The following EPN2 variants were observed in gnomAD, a reference collection of about 807,000 sequenced individuals.
The protein encoded by EPN2 is epsin 2, also known as epsin-2.
In EPN2, 34 loss-of-function variants were observed where a neutral mutation model predicts 61.7. The ratio of observed to expected loss-of-function variants is 0.55; its 90% CI spans 0.42 to 0.73. The LOEUF (loss-of-function observed/expected upper bound fraction) is 0.73, where lower values mean the gene tolerates loss of function less well. EPN2 is among the 30% of genes least tolerant of loss of function. The pLI is 0.00. For missense variants in EPN2, 714 were observed against 839.2 expected, an observed-to-expected ratio of 0.85 and a Z score of 1.84; for synonymous variants, 349 against 353.6, an observed-to-expected ratio of 0.99 and a Z score of 0.15.
At chr17:19,255,298 A>G (rs1255789775) in intron 1 of EPN2, among the ~76,000 whole-genome samples, 1 of 151,804 alleles carries the variant, frequency 6.6e-6, no homozygotes, top group Non-Finnish European at 1.5e-5. Context: ...GAGAGTGTGA[A>G]TTCTCTGGCC....
intron 4 of EPN2, 73 bp from the exon 5 acceptor site, chr17:19,309,812 G>T: frequency 8.3e-7 from 1 of 1,204,878 alleles, no homozygotes; most frequent in Non-Finnish European, 1.2e-6. Context: ...AATGTGGTCT[G>T]CCCAGGAAAC....
At chr17:19,319,405 A>G (rs904704087) in intron 7 of EPN2, among the ~76,000 whole-genome samples, 1 of 151,372 alleles carries the variant, frequency 6.6e-6, no homozygotes, top group Non-Finnish European at 1.5e-5. Context: ...GCTCACTGCA[A>G]CCTCTGCCTT....
Position 19,285,798 on chromosome 17 carries a change from G to A in EPN2, c.766+8G>A, listed in dbSNP as rs1427063746. The stretch of plus-strand genomic sequence containing the variant: ...GTGACCGCGCAGCCCGAGGTGGGAC[G>A]GCGGTTTGCTTTTTTCCTTACTAGA... On this transcript the variant is annotated splice_region_variant and intron_variant, in intron 4 of 10. Transcript: ENST00000314728. This position sits in a 1 kb window ranked among gnomAD's most constrained non-coding sequence, Gnocchi z 4.5. The A allele has an allele frequency of 4.0e-5, 63 of 1,571,700 alleles. No homozygotes were observed. The highest frequency in any genetic ancestry group is 1.9e-4 in the Middle Eastern group (1 of 5,336).
chr17:19,334,199 G>A lies in EPN2; in HGVS notation c.1871G>A (p.Gly624Asp), dbSNP rs762253619. The A allele has an allele frequency of 6.5e-7, 1 of 1,549,056 alleles. No individual in the cohort carries two copies. Among genetic ancestry groups the A allele is most frequent in the Non-Finnish European group, 8.8e-7 (1 of 1,140,256 alleles). ...ATGATGAACATGGTGGGCAGTGTGG[G>A]TATACCCCCATCAGCAGCCCAGGCC... Reference protein sequence around the residue: ...PAMMNMVGSVGIPPSAAQATG... With the variant: ...PAMMNMVGSVDIPPSAAQATG... Residue 624 changes from glycine (G) to aspartate (D), a missense_variant, in exon 11 of 11, where the codon GGT becomes GAT. By Grantham distance (94) the Gly-to-Asp change is moderately conservative (BLOSUM62 -1). Transcript: ENST00000314728. This position sits in a 1 kb window ranked among gnomAD's most constrained non-coding sequence, Gnocchi z 4.9.
intron 1 of EPN2, among the ~76,000 whole-genome samples, chr17:19,239,799 G>A (rs935718931): frequency 6.6e-6 from 1 of 152,170 alleles, no homozygotes; most frequent in Admixed American, 6.5e-5. Flanking sequence ...CCAAGCACTC[G>A]AGGTGTGAAG....
At chr17:19,281,224 C>G (rs1296064389) in intron 1 of EPN2, among the ~76,000 whole-genome samples, 1 of 152,174 alleles carries the variant, frequency 6.6e-6, no homozygotes, top group Admixed American at 6.5e-5. Context: ...CAGTCCATCT[C>G]CCCTTACCGG....
At chr17:19,287,194 G>A (rs1244520870) in intron 4 of EPN2, among the ~76,000 whole-genome samples, 2 of 151,830 alleles carry the variant, frequency 1.3e-5, no homozygotes, top group African/African-American at 4.8e-5. Context: ...CTGCACCTTC[G>A]CCTGTGCCAT....
At position 19,310,094 on chromosome 17, in the gene EPN2, CA is replaced by C. The variant is rs1470160515; in HGVS notation, c.879+101del. 4 of 814,582 alleles carry C rather than the reference CA, an allele frequency of 4.9e-6. No individual in the cohort carries two copies. In the East Asian group the frequency reaches 1.1e-4, roughly 21 times the overall value. 50.5% of individuals were successfully genotyped at this position (814,582 alleles called of 1,614,324 possible). A position where few individuals can be genotyped will look rare whatever the true frequency, so the allele number is the denominator to read the frequency against. ...AAGATGGCAGACACAGCCCTGTCTT[CA>C]AAACATTTCAGATATGCTTGCTGAG... On this transcript the variant is annotated intron_variant, in intron 5 of 10. Transcript: ENST00000314728.
Position 19,335,320 on chromosome 17 carries a change from A to G in EPN2, c.*1066A>G. 1 of 1,388,024 alleles carries G rather than the reference A, an allele frequency of 7.2e-7. No individual in the cohort carries two copies. The highest frequency in any genetic ancestry group is 9.8e-7 in the Non-Finnish European group (1 of 1,018,086). The allele number at this position is 1,388,024 out of a possible 1,614,324, so 86.0% of individuals were successfully genotyped here. A position where few individuals can be genotyped will look rare whatever the true frequency, so the allele number is the denominator to read the frequency against. ...AGGCTATTTTTCTTACGAATATACC[A>G]ACATCCTGAAAGTTAAAGAAAAAAA... On this transcript the variant is annotated 3_prime_UTR_variant, in exon 11 of 11. Transcript: ENST00000314728.
At chr17:19,318,334 G>C (rs1020357705) in intron 7 of EPN2, among the ~76,000 whole-genome samples, 3 of 151,606 alleles carry the variant, frequency 2.0e-5, no homozygotes, top group Admixed American at 6.6e-5. Flanking sequence ...CGGATCACGA[G>C]GTCAAGAGAT....
chr17:19,335,626 G>C lies in EPN2; in HGVS notation c.*1372G>C. 1.8e-6 allele frequency: 1 copy of C among 553,806 alleles called. No individual in the cohort carries two copies. Among genetic ancestry groups the C allele is most frequent in the Non-Finnish European group, 2.9e-6 (1 of 340,352 alleles). The allele number at this position is 553,806 out of a possible 1,614,324, so 34.3% of individuals were successfully genotyped here. Reference sequence around the variant, plus strand: ...CCCTAGGCTAAGACAGGGGTGGGGGGCTAAGGGACCAGGGCTGGCCCTGAT... The same window carrying C: ...CCCTAGGCTAAGACAGGGGTGGGGGCCTAAGGGACCAGGGCTGGCCCTGAT... On this transcript the variant is annotated 3_prime_UTR_variant, in exon 11 of 11. Coordinates refer to ENST00000314728, the MANE Select transcript of EPN2 (RefSeq NM_014964.5).
chr17:19,288,604 C>T (rs1336032793), intron 4 of EPN2, among the ~76,000 whole-genome samples: 1 of 152,064 alleles, frequency 6.6e-6, no homozygotes, highest in Non-Finnish European at 1.5e-5. Context: ...TGAGAAAAGG[C>T]AGCCAGTGAG....
chr17:19,324,174 T>C (rs1320180754), intron 7 of EPN2, among the ~76,000 whole-genome samples: 2 of 152,150 alleles, frequency 1.3e-5, no homozygotes, highest in Admixed American at 6.5e-5. Flanking sequence ...TTGCAAAAAA[T>C]TGGTATCACA....
In EPN2 at chr17:19,335,425, C is replaced by T; in HGVS notation, c.*1171C>T. On this transcript the variant is annotated 3_prime_UTR_variant, in exon 11 of 11. Transcript: ENST00000314728. ...TAAAGGCATGCAGGGATTAACAGGA[C>T]TTCTGTTTACAATGGAAATCTGAAA... 6.5e-7 allele frequency: 1 copy of T among 1,550,092 alleles called. No individual in the cohort carries two copies.
intron 7 of EPN2, among the ~76,000 whole-genome samples, chr17:19,324,098 C>T (rs2152237165): frequency 6.6e-6 from 1 of 152,306 alleles, no homozygotes; most frequent in African/African-American, 2.4e-5. Context: ...ACATTCTTTG[C>T]AGTCACATGC....
At chr17:19,296,120 G>A (rs2045517193) in intron 4 of EPN2, among the ~76,000 whole-genome samples, 1 of 151,986 alleles carries the variant, frequency 6.6e-6, no homozygotes, top group Admixed American at 6.6e-5. Context: ...GCTTCTCCAA[G>A]TACAGTGAGG....
chr17:19,329,972 C>T (rs1337634605), intron 9 of EPN2, among the ~76,000 whole-genome samples: 2 of 152,244 alleles, frequency 1.3e-5, no homozygotes, highest in African/African-American at 4.8e-5. Flanking sequence ...CCAATTTCCA[C>T]TCCTCAGAGG....
chr17:19,322,940 T>C (rs1906710431), intron 7 of EPN2, among the ~76,000 whole-genome samples: 1 of 152,138 alleles, frequency 6.6e-6, no homozygotes, highest in Admixed American at 6.5e-5. Context: ...GAGAAGCATT[T>C]GTAGAATTCA....
rs1228903139 is a variant in EPN2 at position 19,285,579 on chromosome 17, G to A, written c.596-41G>A. ...AGGGGCTGCTGCGCACCCTCTAATG[G>A]CGTGTCTCTCTGTGTGTGTGTGTGT... On this transcript the variant is annotated intron_variant, in intron 3 of 10. Coordinates refer to ENST00000314728, the MANE Select transcript of EPN2 (RefSeq NM_014964.5). The surrounding 1 kb of genome is among the most constrained non-coding windows in gnomAD (Gnocchi z 4.5). The A allele has an allele frequency of 1.4e-6, 2 of 1,461,894 alleles. No homozygotes were observed. The highest frequency in any genetic ancestry group is 1.8e-6 in the Non-Finnish European group (2 of 1,100,762). The allele number at this position is 1,461,894 out of a possible 1,614,324, so 90.6% of individuals were successfully genotyped here.
Sources: gnomAD v4.1 joint callset for allele counts (sites outside exome capture counted in the v4.1 genomes callset) on GRCh38, gnomAD v4.1.1 for gene constraint, Gnocchi (gnomAD v3.1) non-coding constraint, MANE v1.5 for transcripts, NCBI Gene and HGNC (gene_info 2026-07-23, HGNC 2026-07-21) for gene names.